The following DMD variants were observed in gnomAD, a reference collection of about 807,000 sequenced individuals.
DMD encodes the protein mutant dystrophin.
A neutral mutation model predicts 330.1 loss-of-function variants in DMD; 63 were observed. The observed-to-expected ratio is 0.19, with a 90% CI of 0.16 to 0.24. The LOEUF is 0.24. Ranked by LOEUF, DMD falls within the 10% of genes least tolerant of loss-of-function variation. The probability of loss-of-function intolerance (pLI) is 1.00; values close to 1 mark genes in which losing one functional copy is unlikely to be tolerated. For synonymous variants in DMD, 1,223 were observed against 959.8 expected (o/e 1.27, Z -5.07); for missense variants, 3,344 against 2,684.1 (o/e 1.25, Z -5.43).
intron 51 of DMD, among the ~76,000 whole-genome samples, chrX:31,733,806 C>T (rs1204495076): frequency 3.6e-5 from 4 of 111,182 alleles, no homozygotes; most frequent in African/African-American, 6.5e-5. Flanking sequence ...GTGGCCAAAT[C>T]GAAAACCATC....
rs2044442158 is a variant in DMD, at chrX:31,209,598, T to C, written c.9463A>G (p.Thr3155Ala). Residue 3155 changes from threonine (T) to alanine (A), a missense_variant, in exon 65 of 79, where the codon ACC (threonine) becomes GCC (alanine). Coordinates refer to ENST00000357033, the MANE Select transcript of DMD (RefSeq NM_004006.3). ...TGCTCCAGGCGGTCATAAATAGTGG[T>C]CAAACAATTAATAATCTGCAGGATA... ...MDILQIINCL[T>A]TIYDRLEQEH... 8.3e-7 allele frequency: 1 copy of C among 1,211,170 alleles called. No homozygotes were observed. Among genetic ancestry groups the C allele is most frequent in the Non-Finnish European group, 1.1e-6 (1 of 895,139 alleles).
At chrX:32,033,594 AC>A (rs200056125) in intron 44 of DMD, among the ~76,000 whole-genome samples, 7,511 of 44,023 alleles carry the variant, frequency 0.17, 425 homozygotes, top group East Asian at 0.28. Flanking sequence ...AACAAGACAG[AC>A]AGACAGACAG....
At chrX:31,671,804 C>A (rs754796188) in intron 53 of DMD, among the ~76,000 whole-genome samples, 2 of 111,763 alleles carry the variant, frequency 1.8e-5, no homozygotes, top group South Asian at 7.5e-4. Context: ...CCTAACCAAT[C>A]AGCTAAAACT....
At chrX:31,923,594 CTTTTTTT>C (rs746084752) in intron 47 of DMD, among the ~76,000 whole-genome samples, 39 of 76,212 alleles carry the variant, frequency 5.1e-4, no homozygotes, top group African/African-American at 1.6e-3. Flanking sequence ...GGTGAACACC[CTTTTTTT>C]TTTTTTTTTT....
intron 7 of DMD, among the ~76,000 whole-genome samples, chrX:32,801,137 C>T (rs1004839703): frequency 1.3e-4 from 14 of 111,478 alleles, no homozygotes; most frequent in African/African-American, 4.6e-4. Flanking sequence ...AATTTACACT[C>T]CCAACAGTGT....
At chrX:32,667,095 A>G (rs1303775450) in intron 9 of DMD, among the ~76,000 whole-genome samples, 3 of 111,745 alleles carry the variant, frequency 2.7e-5, no homozygotes, top group Non-Finnish European at 3.8e-5. Context: ...CCTTAAAAAA[A>G]GAATGAAATC....
chrX:31,637,531 G>A (rs773102670), intron 54 of DMD, among the ~76,000 whole-genome samples: 5 of 110,534 alleles, frequency 4.5e-5, no homozygotes, highest in East Asian at 2.8e-4. Context: ...ATTCATCATC[G>A]TCATCACCAT....
At chrX:32,765,357 A>G (rs914490914) in intron 7 of DMD, among the ~76,000 whole-genome samples, 1 of 109,367 alleles carries the variant, frequency 9.1e-6, no homozygotes, top group Non-Finnish European at 1.9e-5. Flanking sequence ...AGTGTATGAC[A>G]TCTCCCTCCA....
intron 55 of DMD, among the ~76,000 whole-genome samples, chrX:31,516,517 G>A (rs968563439): frequency 9.0e-6 from 1 of 111,336 alleles, no homozygotes; most frequent in African/African-American, 3.3e-5. Context: ...CAGAGTTGTC[G>A]TCCCAAGAGA....
chrX:32,394,011 T>A, intron 30 of DMD, among the ~76,000 whole-genome samples: 1 of 111,767 alleles, frequency 8.9e-6, no homozygotes, highest in Middle Eastern at 4.2e-3. Context: ...ATAAAAATAG[T>A]TTAAATTACT....
chrX:32,088,145 G>A (rs1213243755), intron 44 of DMD, among the ~76,000 whole-genome samples: 3 of 111,766 alleles, frequency 2.7e-5, no homozygotes, highest in South Asian at 3.7e-4. Flanking sequence ...ATAATGAAAG[G>A]GCATATAGAG....
intron 1 of DMD, among the ~76,000 whole-genome samples, chrX:33,058,048 T>G (rs765216649): frequency 9.1e-6 from 1 of 109,933 alleles, no homozygotes; most frequent in African/African-American, 3.3e-5. Flanking sequence ...ACGGCTAATT[T>G]TTTGTATTTT....
intron 44 of DMD, chrX:32,035,622 G>A: frequency 3.8e-6 from 1 of 264,010 alleles, no homozygotes; most frequent in African/African-American, 2.8e-5. Flanking sequence ...CTCTACTAGA[G>A]TGTTAGAAAA....
chrX:33,258,672 T>G (rs2052899440), intron 1 of DMD, among the ~76,000 whole-genome samples: 1 of 110,754 alleles, frequency 9.0e-6, no homozygotes, highest in Non-Finnish European at 1.9e-5. Context: ...TCCTAGTATG[T>G]CTTTAGAGCC....
At chrX:31,771,306 G>A (rs1346622318) in intron 51 of DMD, among the ~76,000 whole-genome samples, 1 of 109,892 alleles carries the variant, frequency 9.1e-6, no homozygotes, top group East Asian at 2.8e-4. Context: ...AGAGGAAGAG[G>A]CAGGCAAAGC....
chrX:33,137,536 A>G (rs932069216), intron 1 of DMD, among the ~76,000 whole-genome samples: 3 of 112,189 alleles, frequency 2.7e-5, no homozygotes, highest in African/African-American at 9.7e-5. Flanking sequence ...CAAGAGGACC[A>G]AGTGAAATCA....
Position 31,323,803 on chromosome X carries a change from T to C in DMD, c.9164-145A>G, listed in dbSNP as rs7059188. ...CCCATGAAGACAGGATGGATTAACC[T>C]GCTGTTCTGAAATTTCTGTCCTAAT... On this transcript the variant is annotated intron_variant, in intron 61 of 78. Transcript: ENST00000357033. 0.025 allele frequency: 13,710 copies of C among 557,949 alleles called. 1,068 individuals are homozygous for C. In the African/African-American group the frequency reaches 0.25, roughly 10 times the overall value. 46.0% of individuals were successfully genotyped at this position (557,949 alleles called of 1,213,427 possible). A position where few individuals can be genotyped will look rare whatever the true frequency, so the allele number is the denominator to read the frequency against.
At chrX:32,397,467 C>G (rs1312877739) in intron 30 of DMD, among the ~76,000 whole-genome samples, 1 of 111,379 alleles carries the variant, frequency 9.0e-6, no homozygotes, top group East Asian at 2.8e-4. Flanking sequence ...TCATCAAAGT[C>G]AAGTAATATA....
chrX:31,308,707 G>A (rs759933504), intron 62 of DMD, among the ~76,000 whole-genome samples: 4 of 110,575 alleles, frequency 3.6e-5, no homozygotes, highest in East Asian at 2.8e-4. Context: ...CTGCTGTGCC[G>A]TGCCATCTAT....
Sources: allele counts gnomAD v4.1 joint callset (sites outside exome capture counted in the v4.1 genomes callset), GRCh38; gene constraint gnomAD v4.1.1; transcripts MANE v1.5; gene names NCBI Gene and HGNC (gene_info 2026-07-23, HGNC 2026-07-21).